The following NRK variants were observed in gnomAD, a reference collection of about 807,000 sequenced individuals.
The protein encoded by NRK is nik-related protein kinase.
Under a neutral mutation model 125.2 loss-of-function variants are expected in NRK, and 67 were observed. The observed-to-expected ratio is 0.54, with a 90% CI of 0.44 to 0.66. NRK has a LOEUF of 0.66. NRK is among the 30% of genes least tolerant of loss of function. The pLI, the probability that NRK is intolerant of heterozygous loss-of-function variation, is 0.00. For synonymous variants in NRK, 458 were observed against 429.0 expected, an observed-to-expected ratio of 1.07 and a Z score of -0.84; for missense variants, 1,224 against 1,192.9, an observed-to-expected ratio of 1.03 and a Z score of -0.38.
At chrX:105,859,800 G>T (rs1320198356) in intron 2 of NRK, among the ~76,000 whole-genome samples, 2 of 111,821 alleles carry the variant, frequency 1.8e-5, no homozygotes, top group East Asian at 5.6e-4. Flanking sequence ...AATCACATGT[G>T]TATTGGGGCA....
chrX:105,858,450 GGATA>G (rs1298725811), intron 2 of NRK, among the ~76,000 whole-genome samples: 2 of 107,905 alleles, frequency 1.9e-5, no homozygotes, highest in East Asian at 5.9e-4. Flanking sequence ...ATGGATGAAT[GGATA>G]GATAACCAAA....
chrX:105,939,010 G>GTTTT (rs1205734623), intron 22 of NRK, among the ~76,000 whole-genome samples: 1,132 of 111,351 alleles, frequency 0.01, 20 homozygotes, highest in African/African-American at 0.035. Context: ...AAGCATGAAA[G>GTTTT]TAACTGCCCC....
In NRK at chrX:105,893,849, T is replaced by C; in HGVS notation, c.396T>C (p.Cys132=). 1 of 1,192,120 alleles carries C rather than the reference T, an allele frequency of 8.4e-7. No individual in the cohort carries two copies. The highest frequency in any genetic ancestry group is 1.1e-6 in the Non-Finnish European group (1 of 877,967). ...RHQLWMVMEL[C]AAGSVTDVVR... is the part of the protein sequence containing the mutation. ...TCCTGCAGATGGTGATGGAGTTATGTGCAGCAGGTTCGGTCACTGATGTAG... is the reference window on the plus strand; with the variant it reads ...TCCTGCAGATGGTGATGGAGTTATGCGCAGCAGGTTCGGTCACTGATGTAG... The change falls in exon 6 of 29, where the codon TGT becomes TGC. Residue 132 remains cysteine (C), a synonymous_variant. Coordinates refer to ENST00000243300, the MANE Select transcript of NRK (RefSeq NM_198465.4).
intron 19 of NRK, among the ~76,000 whole-genome samples, chrX:105,928,579 G>A (rs971761448): frequency 1.8e-5 from 2 of 110,661 alleles, no homozygotes; most frequent in African/African-American, 6.6e-5. Context: ...TGCATCATTA[G>A]ATTGTTATTC....
At chrX:105,849,897 C>T (rs938369408) in intron 2 of NRK, among the ~76,000 whole-genome samples, 2 of 111,778 alleles carry the variant, frequency 1.8e-5, no homozygotes, top group Admixed American at 9.4e-5. Context: ...TCCAGGTGCA[C>T]GGTTCAAGCA....
intron 14 of NRK, 84 bp from the exon 15 acceptor site, chrX:105,915,646 A>C: frequency 2.2e-6 from 1 of 461,874 alleles, no homozygotes; most frequent in African/African-American, 2.5e-5. Flanking sequence ...AATATATATG[A>C]AGACAGGCAT....
chrX:105,891,363 A>C (rs2034429880), intron 5 of NRK, among the ~76,000 whole-genome samples: 1 of 112,151 alleles, frequency 8.9e-6, no homozygotes. Context: ...CTTTATTAAA[A>C]ATTGAATATT....
At chrX:105,834,213 C>T (rs1282284521) in intron 2 of NRK, among the ~76,000 whole-genome samples, 2 of 111,396 alleles carry the variant, frequency 1.8e-5, no homozygotes, top group East Asian at 2.8e-4. Flanking sequence ...GTCTTAATTT[C>T]TCCTTCATTT....
At chrX:105,940,569 A>G (rs2040726501) in intron 23 of NRK, among the ~76,000 whole-genome samples, 3 of 111,315 alleles carry the variant, frequency 2.7e-5, no homozygotes, top group Non-Finnish European at 5.7e-5. Flanking sequence ...CCCACTGTTG[A>G]TATTAATGAA....
intron 1 of NRK, among the ~76,000 whole-genome samples, chrX:105,824,547 G>T (rs1425443707): frequency 1.9e-5 from 2 of 106,261 alleles, no homozygotes; most frequent in African/African-American, 6.9e-5. Context: ...GAGTGGTAAA[G>T]ACGTCATAGA....
intron 19 of NRK, among the ~76,000 whole-genome samples, chrX:105,929,630 A>G (rs1343545299): frequency 9.1e-6 from 1 of 110,033 alleles, no homozygotes; most frequent in African/African-American, 3.3e-5. Context: ...AATCTTTTGT[A>G]GTAATAAGGT....
chrX:105,883,711 C>T (rs1392160969), intron 4 of NRK, among the ~76,000 whole-genome samples: 1 of 112,561 alleles, frequency 8.9e-6, no homozygotes, highest in Non-Finnish European at 1.9e-5. Context: ...TGAAATAATT[C>T]AGTCTTGCCC....
rs1233619430 is a variant in NRK at position 105,849,157 on chromosome X, C to T, written c.123+18038C>T. 2.7e-5 allele frequency among the ~76,000 whole-genome samples: 3 copies of T among 111,755 alleles called. No individual in the cohort carries two copies. In the Admixed American group the frequency reaches 2.9e-4, roughly 11 times the overall value. The stretch of plus-strand genomic sequence containing the variant: ...TGCATGGCTGGGGAGGCATCCAAAT[C>T]ATGGTGGGAGGTGAAAGGCACTTCT... On this transcript the variant is annotated intron_variant, in intron 2 of 28. Coordinates refer to ENST00000243300, the MANE Select transcript of NRK (RefSeq NM_198465.4).
intron 26 of NRK, among the ~76,000 whole-genome samples, chrX:105,947,663 A>G (rs2040834656): frequency 9.0e-6 from 1 of 111,592 alleles, no homozygotes; most frequent in Non-Finnish European, 1.9e-5. Context: ...CTAAACCAAC[A>G]GTTCTCTGCT....
chrX:105,879,762 A>G (rs2039862275), intron 2 of NRK, among the ~76,000 whole-genome samples: 2 of 111,319 alleles, frequency 1.8e-5, no homozygotes, highest in Non-Finnish European at 3.8e-5. Context: ...TCTGCATAGT[A>G]TCACATAATC....
intron 2 of NRK, among the ~76,000 whole-genome samples, chrX:105,857,596 A>C (rs888752528): frequency 2.7e-5 from 3 of 111,489 alleles, no homozygotes; most frequent in Non-Finnish European, 5.7e-5. Flanking sequence ...TAAAGAAAAA[A>C]ATCCCCCCCT....
chrX:105,846,153 AT>A (rs1385799966), intron 2 of NRK, among the ~76,000 whole-genome samples: 1 of 111,515 alleles, frequency 9.0e-6, no homozygotes, highest in East Asian at 2.8e-4. Flanking sequence ...AATGATATTA[AT>A]TTTTTTGGTG....
intron 2 of NRK, among the ~76,000 whole-genome samples, chrX:105,841,192 A>C (rs2039328638): frequency 9.0e-6 from 1 of 111,393 alleles, no homozygotes; most frequent in Non-Finnish European, 1.9e-5. Flanking sequence ...TAGCTCTCTG[A>C]GGGTGTCAAA....
intron 16 of NRK, among the ~76,000 whole-genome samples, chrX:105,921,488 A>C (rs1252240648): frequency 9.1e-6 from 1 of 109,635 alleles, no homozygotes; most frequent in Non-Finnish European, 1.9e-5. Flanking sequence ...TAATTAAAAA[A>C]AAAAAAGATT....
Sources: gnomAD v4.1 joint callset for allele counts (sites outside exome capture counted in the v4.1 genomes callset) on GRCh38, gnomAD v4.1.1 for gene constraint, MANE v1.5 for transcripts, NCBI Gene and HGNC (gene_info 2026-07-23, HGNC 2026-07-21) for gene names.